Variants in ANK3 observed in about 807,000 individuals in gnomAD.
The protein encoded by ANK3 is ankyrin 3.
Under a neutral mutation model 370.9 loss-of-function variants are expected in ANK3, and 57 were observed. The ratio of observed to expected loss-of-function variants is 0.15; its 90% CI spans 0.12 to 0.19. The LOEUF is 0.19. ANK3 is among the 10% of genes least tolerant of loss of function. ANK3 has a pLI of 1.00. For missense variants in ANK3, 4,439 were observed against 5,302.1 expected (o/e 0.84, Z 5.06); for synonymous variants, 1,929 against 1,946.3 (o/e 0.99, Z 0.23).
chr10:60,085,327 TC>T, intron 30 of ANK3, 74 bp from the exon 31 acceptor site: 1 of 1,179,524 alleles, frequency 8.5e-7, no homozygotes, highest in Non-Finnish European at 1.2e-6. Flanking sequence ...CAGATCCTGT[TC>T]TTCTTTCTGC....
At chr10:60,210,654 G>A (rs768984237) in intron 9 of ANK3, among the ~76,000 whole-genome samples, 3 of 152,104 alleles carry the variant, frequency 2.0e-5, no homozygotes, top group Non-Finnish European at 2.9e-5. Context: ...AAGCAGTAAT[G>A]GATTTAAAGG....
rs1409662004 is a variant in ANK3 at position 60,139,038 on chromosome 10, G to A, written c.2664C>T (p.Asp888=). Residue 888 remains aspartate (D), a synonymous_variant, in exon 24 of 44, where the codon GAC becomes GAT. Coordinates refer to ENST00000280772, the MANE Select transcript of ANK3 (RefSeq NM_020987.5). ...GGGAATCATCACCCAATTCCTTAAG[G>A]TCCTGTGGCCCAAGATATTTGTCTG... ...GDTDKYLGPQ[D]LKELGDDSLP... 3.7e-6 allele frequency: 6 copies of A among 1,613,646 alleles called. No individual in the cohort carries two copies. Among genetic ancestry groups the A allele is most frequent in the Non-Finnish European group, 3.4e-6 (4 of 1,179,788 alleles).
chr10:60,263,120 AT>A (rs1331272661), intron 6 of ANK3, among the ~76,000 whole-genome samples: 1 of 152,166 alleles, frequency 6.6e-6, no homozygotes, highest in Non-Finnish European at 1.5e-5. Context: ...GCATATATAT[AT>A]ATACCTCTGT....
chr10:60,205,763 G>C, intron 11 of ANK3, 29 bp downstream of exon 11: 1 of 1,521,386 alleles, frequency 6.6e-7, no homozygotes, highest in East Asian at 2.3e-5. Flanking sequence ...CAGTATCTCA[G>C]GACTCCCAGA....
Position 60,111,693 on chromosome 10 carries a change from A to C in ANK3, c.2948+2532T>G, listed in dbSNP as rs1426236428. On this transcript the variant is annotated intron_variant, in intron 26 of 43. Transcript: ENST00000280772. Reference sequence around the variant, plus strand: ...ATGGCAAAAATTCACATAAATTAAAAATACAAAAAGGATGGTTCACATAAA... The same window carrying C: ...ATGGCAAAAATTCACATAAATTAAACATACAAAAAGGATGGTTCACATAAA... The C allele has an allele frequency of 1.7e-4, 76 of 449,650 alleles. No homozygotes were observed. In the Admixed American group the frequency reaches 1.8e-3, roughly 11 times the overall value. The allele number at this position is 449,650 out of a possible 1,614,324, so 27.9% of individuals were successfully genotyped here.
At chr10:60,719,835 A>G (rs1475527082) in intron 1 of ANK3, among the ~76,000 whole-genome samples, 1 of 152,338 alleles carries the variant, frequency 6.6e-6, no homozygotes, top group East Asian at 1.9e-4. Flanking sequence ...AATAAAAAAT[A>G]TATGGCATTG....
At chr10:60,130,673 C>T (rs553649286) in intron 25 of ANK3, among the ~76,000 whole-genome samples, 1 of 152,272 alleles carries the variant, frequency 6.6e-6, no homozygotes, top group East Asian at 1.9e-4. Flanking sequence ...TGTTTAAATG[C>T]ACTTCTGAAG....
intron 25 of ANK3, among the ~76,000 whole-genome samples, chr10:60,128,058 T>A (rs1390165918): frequency 1.3e-5 from 2 of 152,140 alleles, no homozygotes; most frequent in Non-Finnish European, 2.9e-5. Context: ...GCACATTGAA[T>A]AAATAAAAGA....
At chr10:60,367,332 G>A (rs563708463) in intron 1 of ANK3, among the ~76,000 whole-genome samples, 1 of 152,148 alleles carries the variant, frequency 6.6e-6, no homozygotes, top group South Asian at 2.1e-4. Context: ...TTCTCCAAGT[G>A]GGGGAACAGT....
intron 1 of ANK3, among the ~76,000 whole-genome samples, chr10:60,721,018 G>T (rs1408340053): frequency 3.3e-5 from 5 of 152,164 alleles, no homozygotes; most frequent in Non-Finnish European, 7.3e-5. Context: ...CTGAGCACCA[G>T]ATGTGCTAGA....
chr10:60,397,773 A>G (rs948959423), intron 2 of ANK3, among the ~76,000 whole-genome samples: 9 of 152,232 alleles, frequency 5.9e-5, no homozygotes, highest in Non-Finnish European at 1.5e-5. Flanking sequence ...TATAATCACA[A>G]GAACGATTAA....
intron 2 of ANK3, among the ~76,000 whole-genome samples, chr10:60,446,333 C>T (rs566221418): frequency 1.1e-4 from 16 of 152,272 alleles, no homozygotes; most frequent in African/African-American, 3.6e-4. Context: ...GTCCATTATG[C>T]CCTGCAAATT....
chr10:60,040,609 T>G (rs2075920956), intron 43 of ANK3, among the ~76,000 whole-genome samples: 1 of 152,236 alleles, frequency 6.6e-6, no homozygotes, highest in African/African-American at 2.4e-5. Context: ...GGATGATTAT[T>G]TAAAATTTTA....
intron 2 of ANK3, among the ~76,000 whole-genome samples, chr10:60,521,489 T>C (rs917267209): frequency 6.6e-6 from 1 of 152,068 alleles, no homozygotes; most frequent in African/African-American, 2.4e-5. Context: ...TTCTGAGCAA[T>C]GGTTAGTATC....
At chr10:60,701,639 T>C (rs1316493585) in intron 1 of ANK3, among the ~76,000 whole-genome samples, 2 of 152,144 alleles carry the variant, frequency 1.3e-5, no homozygotes, top group Non-Finnish European at 2.9e-5. Context: ...GGGGTAAGTA[T>C]GTATAGCATG....
chr10:60,558,445 C>A (rs2077258775), intron 2 of ANK3, among the ~76,000 whole-genome samples: 1 of 152,106 alleles, frequency 6.6e-6, no homozygotes, highest in African/African-American at 2.4e-5. Flanking sequence ...GATTCTGAAT[C>A]TCATATTCCT....
chr10:60,280,941 T>C (rs17233373), intron 1 of ANK3, among the ~76,000 whole-genome samples: 1 of 152,122 alleles, frequency 6.6e-6, no homozygotes, highest in African/African-American at 2.4e-5. Context: ...CCTGTCCTTC[T>C]TCCACCCTAA....
At chr10:60,076,917 T>G (rs1400093293) in intron 36 of ANK3, among the ~76,000 whole-genome samples, 1 of 152,242 alleles carries the variant, frequency 6.6e-6, no homozygotes, top group Non-Finnish European at 1.5e-5. Context: ...TAATTTCTAA[T>G]GTCCTCTCTC....
intron 2 of ANK3, among the ~76,000 whole-genome samples, chr10:60,404,378 T>A (rs1473958090): frequency 6.6e-6 from 1 of 152,162 alleles, no homozygotes; most frequent in African/African-American, 2.4e-5. Context: ...CAAGACAGTA[T>A]GGTACTGGCA....
Sources: allele counts gnomAD v4.1 joint callset (sites outside exome capture counted in the v4.1 genomes callset), GRCh38; gene constraint gnomAD v4.1.1; transcripts MANE v1.5; gene names NCBI Gene and HGNC (gene_info 2026-07-23, HGNC 2026-07-21).